Variants in ZNF280D observed in about 807,000 individuals in gnomAD.
The protein encoded by ZNF280D is zinc finger protein 280D.
ZNF280D carries 39 observed loss-of-function variants against 94.7 expected under a neutral mutation model. That is an observed-to-expected ratio of 0.41 (90% CI 0.32 to 0.54). ZNF280D has a LOEUF of 0.54. Among genes scored for constraint, ZNF280D ranks in the 20% least tolerant of loss-of-function variants. The probability of loss-of-function intolerance (pLI) is 0.22; values close to 1 mark genes in which losing one functional copy is unlikely to be tolerated. For synonymous variants in ZNF280D, 398 were observed against 377.6 expected (o/e 1.05, Z -0.63); for missense variants, 1,090 against 1,149.3 (o/e 0.95, Z 0.75).
intron 17 of ZNF280D, among the ~76,000 whole-genome samples, chr15:56,655,369 G>T (rs932073569): frequency 6.6e-6 from 1 of 152,042 alleles, no homozygotes; most frequent in African/African-American, 2.4e-5. Context: ...TACCACACCT[G>T]GCTAATTTTT....
At position 56,682,497 on chromosome 15, in the gene ZNF280D, A is replaced by AC. The variant is rs759836900; in HGVS notation, c.781-21_781-20insG. 510 of 1,450,580 alleles carry AC rather than the reference A, an allele frequency of 3.5e-4. 5 individuals are homozygous for AC. In the South Asian group the frequency reaches 5.8e-3, roughly 16 times the overall value. The allele number at this position is 1,450,580 out of a possible 1,614,324, so 89.9% of individuals were successfully genotyped here. Reference sequence around the variant, plus strand: ...ACAATACTGAAAGAGAAAAAAAAAAAAAAAAAACAAGCCTTACTTATTCTT... The same window carrying AC: ...ACAATACTGAAAGAGAAAAAAAAAAACAAAAAAACAAGCCTTACTTATTCTT... On this transcript the variant is annotated intron_variant, in intron 9 of 21. Coordinates refer to ENST00000267807, the MANE Select transcript of ZNF280D (RefSeq NM_017661.4).
At chr15:56,706,426 C>T (rs536455421) in intron 3 of ZNF280D, among the ~76,000 whole-genome samples, 2 of 151,684 alleles carry the variant, frequency 1.3e-5, no homozygotes, top group Admixed American at 6.6e-5. Flanking sequence ...TGCAATGAGC[C>T]GAGGTCATGC....
chr15:56,654,356 TC>T, intron 18 of ZNF280D, 28 bp downstream of exon 18: 1 of 1,596,096 alleles, frequency 6.3e-7, no homozygotes, highest in Non-Finnish European at 8.5e-7. Flanking sequence ...AAGTCAAAAA[TC>T]TAAAGTAGCA....
chr15:56,704,087 A>G (rs1285094819), intron 4 of ZNF280D, 34 bp downstream of exon 4: 6 of 1,610,502 alleles, frequency 3.7e-6, no homozygotes, highest in Non-Finnish European at 4.2e-6. Flanking sequence ...ATAATACCTT[A>G]TAAAGCTTGG....
intron 17 of ZNF280D, among the ~76,000 whole-genome samples, chr15:56,655,061 C>T (rs930573224): frequency 6.6e-6 from 1 of 152,118 alleles, no homozygotes; most frequent in South Asian, 2.1e-4. Flanking sequence ...TAGCCACCAT[C>T]GATTGTACAT....
At chr15:56,668,585 C>T (rs1458035510) in intron 14 of ZNF280D, among the ~76,000 whole-genome samples, 4 of 151,938 alleles carry the variant, frequency 2.6e-5, no homozygotes, top group Non-Finnish European at 5.9e-5. Flanking sequence ...CCCATTGACC[C>T]AGGAAAAGTT....
At chr15:56,638,854 C>A (rs1216258552) in intron 20 of ZNF280D, among the ~76,000 whole-genome samples, 1 of 151,958 alleles carries the variant, frequency 6.6e-6, no homozygotes, top group Non-Finnish European at 1.5e-5. Context: ...AATGGCTATG[C>A]AAGACAGCCC....
chr15:56,667,584 T>C (rs1344101610), intron 14 of ZNF280D, among the ~76,000 whole-genome samples: 3 of 152,146 alleles, frequency 2.0e-5, no homozygotes, highest in Non-Finnish European at 2.9e-5. Context: ...AATGAGAAAA[T>C]GTTTAATTTC....
At position 56,707,262 on chromosome 15, in the gene ZNF280D, C is replaced by A. The variant is rs1234309466; in HGVS notation, c.-42+1G>T. The A allele has an allele frequency of 1.9e-6, 3 of 1,544,490 alleles. No homozygotes were observed. Among genetic ancestry groups the A allele is most frequent in the Non-Finnish European group, 1.7e-6 (2 of 1,147,824 alleles). On this transcript the variant is annotated splice_donor_variant, in intron 2 of 21. Coordinates refer to ENST00000267807, the MANE Select transcript of ZNF280D (RefSeq NM_017661.4). LOFTEE classifies it low-confidence loss of function (5UTR_SPLICE). The stretch of plus-strand genomic sequence containing the variant: ...GATGTAAGGTTAACCTCTAAACTCA[C>A]CATGTGACTCCAGACAAGCCAGCAA...
At chr15:56,632,232 C>T (rs1190311166) in intron 21 of ZNF280D, 110 bp from the exon 22 acceptor site, 4 of 1,080,046 alleles carry the variant, frequency 3.7e-6, no homozygotes, top group Non-Finnish European at 5.0e-6. Context: ...CATTTGCCCA[C>T]CAAAAAGGAA....
At chr15:56,633,190 C>T (rs533529192) in intron 21 of ZNF280D, among the ~76,000 whole-genome samples, 38 of 152,240 alleles carry the variant, frequency 2.5e-4, no homozygotes, top group African/African-American at 9.1e-4. Context: ...CAATGAATTG[C>T]ACAAATATCC....
intron 1 of ZNF280D, among the ~76,000 whole-genome samples, chr15:56,710,773 A>G (rs954623200): frequency 1.3e-5 from 2 of 152,074 alleles, no homozygotes; most frequent in Admixed American, 6.6e-5. Flanking sequence ...GTGTTAAATA[A>G]TATTAATACT....
chr15:56,687,485 G>A (rs1186252010), intron 9 of ZNF280D, among the ~76,000 whole-genome samples: 1 of 152,006 alleles, frequency 6.6e-6, no homozygotes, highest in African/African-American at 2.4e-5. Context: ...AAGAAACCCA[G>A]GGAGCATTCA....
rs1566960516 is a variant in ZNF280D, at chr15:56,669,935, A to T, written c.1411-978T>A. Among the ~76,000 whole-genome samples the T allele has an allele frequency of 1.3e-3, 11 of 8,740 alleles. 4 individuals are homozygous for T. Among genetic ancestry groups the T allele is most frequent in the African/African-American group, 4.5e-3 (11 of 2,462 alleles). 5.7% of individuals were successfully genotyped at this position (8,740 alleles called of 152,430 possible). On this transcript the variant is annotated intron_variant, in intron 13 of 21. Coordinates refer to ENST00000267807, the MANE Select transcript of ZNF280D (RefSeq NM_017661.4). ...TATATTATATATATATTATATATAT[A>T]TTATATATATATATTATATATATAT...
At chr15:56,721,304 T>G (rs2141405315) in intron 1 of ZNF280D, among the ~76,000 whole-genome samples, 1 of 152,216 alleles carries the variant, frequency 6.6e-6, no homozygotes, top group Non-Finnish European at 1.5e-5. Context: ...CCTAGGATTT[T>G]CACAATGGTA....
At position 56,631,533 on chromosome 15, in the gene ZNF280D, T is replaced by C; in HGVS notation, c.2905A>G (p.Thr969Ala). The C allele has an allele frequency of 6.2e-7, 1 of 1,613,730 alleles. No homozygotes were observed. The highest frequency in any genetic ancestry group is 1.1e-5 in the South Asian group (1 of 91,058). Residue 969 changes from threonine (T) to alanine (A), a missense_variant, in exon 22 of 22, where the codon ACA becomes GCA. Physicochemically the swap from Thr to Ala is moderately conservative, Grantham distance 58 (BLOSUM62 0). This residue lies in a region of ZNF280D where 577 missense variants were observed against 568.8 expected (regional missense o/e 1.01). Transcript: ENST00000267807. ...TCTTTTTCGTCTTCCAGGTCTACTG[T>C]TGCCTCTGTTGTGCTAGGGTTATTT... ...GGNNPSTTEA[T>A]VDLEDEKERS
Position 56,699,567 on chromosome 15 carries a change from T to C in ZNF280D, c.381+1366A>G, listed in dbSNP as rs1208482355. On this transcript the variant is annotated intron_variant, in intron 6 of 21. Coordinates refer to ENST00000267807, the MANE Select transcript of ZNF280D (RefSeq NM_017661.4). ...TTTTTCCCTTCCTGAGATTTTGATA[T>C]GTACTTGGAGAGTTTTGAGTCAATA... The C allele has an allele frequency of 1.3e-5, 11 of 820,518 alleles. No individual in the cohort carries two copies. In the African/African-American group the frequency reaches 1.9e-4, roughly 14 times the overall value. 50.8% of individuals were successfully genotyped at this position (820,518 alleles called of 1,614,324 possible).
chr15:56,692,910 TTC>T (rs1199024503), intron 7 of ZNF280D, among the ~76,000 whole-genome samples, 186 bp downstream of exon 7: 2 of 152,262 alleles, frequency 1.3e-5, no homozygotes, highest in South Asian at 2.1e-4. Context: ...AAATAAAATA[TTC>T]TGTCATTAAA....
At chr15:56,687,252 T>C (rs1167153353) in intron 9 of ZNF280D, among the ~76,000 whole-genome samples, 1 of 152,042 alleles carries the variant, frequency 6.6e-6, no homozygotes, top group Non-Finnish European at 1.5e-5. Context: ...ACAGAGATAC[T>C]TTCCTTATTT....
Sources: allele counts gnomAD v4.1 joint callset (sites outside exome capture counted in the v4.1 genomes callset), GRCh38; gene constraint gnomAD v4.1.1; regional missense constraint gnomAD v4.1.1; transcripts MANE v1.5; gene names NCBI Gene and HGNC (gene_info 2026-07-23, HGNC 2026-07-21).